Variants in QRICH1 observed in about 807,000 individuals in gnomAD.
The protein encoded by QRICH1 is transcriptional regulator QRICH1.
A neutral mutation model predicts 87.1 loss-of-function variants in QRICH1; 16 were observed. The observed-to-expected ratio is 0.18, with a 90% CI of 0.12 to 0.28. QRICH1 has a LOEUF of 0.28. Ranked by LOEUF, QRICH1 falls within the 10% of genes least tolerant of loss-of-function variation. The pLI, the probability that QRICH1 is intolerant of heterozygous loss-of-function variation, is 1.00. For synonymous variants in QRICH1, 367 were observed against 368.4 expected (o/e 1.00, Z 0.05); for missense variants, 647 against 951.7 (o/e 0.68, Z 4.21).
chr3:49,062,708 G>A (rs909796189), intron 2 of QRICH1, among the ~76,000 whole-genome samples: 1 of 149,180 alleles, frequency 6.7e-6, no homozygotes, highest in Admixed American at 6.7e-5. Flanking sequence ...CTGTTACTAA[G>A]TATATTTTTT....
chr3:49,048,211 C>G (rs532608744), intron 3 of QRICH1, among the ~76,000 whole-genome samples: 1 of 151,510 alleles, frequency 6.6e-6, no homozygotes, highest in Non-Finnish European at 1.5e-5. Context: ...CGGCTCACCT[C>G]AACCTCTGTC....
intron 2 of QRICH1, among the ~76,000 whole-genome samples, chr3:49,074,548 G>A (rs529396606): frequency 6.6e-6 from 1 of 151,986 alleles, no homozygotes; most frequent in Admixed American, 6.6e-5. Flanking sequence ...CTCCAGCCTG[G>A]GGGACAGAGC....
chr3:49,052,662 AT>A (rs566788214), intron 3 of QRICH1, among the ~76,000 whole-genome samples: 3 of 151,846 alleles, frequency 2.0e-5, no homozygotes, highest in Non-Finnish European at 4.4e-5. Context: ...TGCCCAGCTA[AT>A]TTTTTTATTT....
intron 3 of QRICH1, among the ~76,000 whole-genome samples, chr3:49,048,780 T>TC (rs541852187): frequency 0.82 from 106,725 of 130,830 alleles, 43,872 homozygotes; most frequent in East Asian, 1. Context: ...AGAGTGAGAC[T>TC]CTGTTCACAA....
At chr3:49,031,410 C>T in intron 9 of QRICH1, among the ~76,000 whole-genome samples, 1 of 152,132 alleles carries the variant, frequency 6.6e-6, no homozygotes. Flanking sequence ...TATCCTCTAA[C>T]AGTTATTCAT....
Position 49,047,142 on chromosome 3 carries a change from T to C in QRICH1, c.1443A>G (p.Val481=), listed in dbSNP as rs781160612. The C allele has an allele frequency of 1.2e-6, 2 of 1,614,196 alleles. No homozygotes were observed. Among genetic ancestry groups the C allele is most frequent in the African/African-American group, 1.3e-5 (1 of 75,058 alleles). ...NSLKPEEGLE[V]WKNWAQTKNA... ...TCTTGGTCTGGGCCCAGTTTTTCCA[T>C]ACTTCAAGCCCTTCTTCTGGCTTCA... Residue 481 remains valine (V), a synonymous_variant, in exon 4 of 10, where the codon GTA becomes GTG. Transcript: ENST00000395443.
chr3:49,059,216 T>TGGCCTCC (rs1306540698), intron 2 of QRICH1, among the ~76,000 whole-genome samples: 1 of 151,530 alleles, frequency 6.6e-6, no homozygotes, highest in Non-Finnish European at 1.5e-5. Context: ...CCGCCCGCCT[T>TGGCCTCC]GGCCTCCCAA....
intron 4 of QRICH1, 82 bp downstream of exon 4, chr3:49,046,987 C>A (rs1575335301): frequency 1.3e-6 from 2 of 1,484,320 alleles, no homozygotes; most frequent in East Asian, 2.3e-5. Flanking sequence ...CAGGAGACAC[C>A]ACTTTTCTGG....
In QRICH1 at chr3:49,057,068, T is replaced by A; in HGVS notation, c.1132A>T (p.Thr378Ser). The stretch of plus-strand genomic sequence containing the variant: ...GCTGGAAAGAGAGAGTTTGCAAGGG[T>A]CTGCACTACCTCTTCATGGGAGTTT... The part of the protein sequence containing the change: ...VKNSHEEVVQ[T>S]LANSLFPAQF... Residue 378 changes from threonine (T) to serine (S), a missense_variant, in exon 3 of 10, where the codon ACC (threonine) becomes TCC (serine). By Grantham distance (58) the Thr-to-Ser change is moderately conservative (BLOSUM62 1). Coordinates refer to ENST00000395443, the MANE Select transcript of QRICH1 (RefSeq NM_198880.3). This position sits in a 1 kb window ranked among gnomAD's most constrained non-coding sequence, Gnocchi z 5.4. The A allele has an allele frequency of 1.2e-6, 2 of 1,614,162 alleles. No homozygotes were observed. Among genetic ancestry groups the A allele is most frequent in the Non-Finnish European group, 8.5e-7 (1 of 1,180,024 alleles).
chr3:49,094,246 C>T, upstream of QRICH1: 1 of 381,924 alleles, frequency 2.6e-6, no homozygotes, highest in South Asian at 1.4e-4. Context: ...CCCATGGACG[C>T]CTCTCCATGT....
chr3:49,032,065 T>C, intron 9 of QRICH1, 118 bp downstream of exon 9: 2 of 840,292 alleles, frequency 2.4e-6, no homozygotes, highest in Non-Finnish European at 3.8e-6. Flanking sequence ...GAAGTGTTTT[T>C]ACTTGGTTTG....
At chr3:49,032,558 A>C in intron 8 of QRICH1, 64 bp downstream of exon 8, 1 of 1,480,214 alleles carries the variant, frequency 6.8e-7, no homozygotes, top group Non-Finnish European at 9.1e-7. Flanking sequence ...CCTCACAGGC[A>C]CAAGGGCAGG....
At chr3:49,054,996 G>C (rs954685623) in intron 3 of QRICH1, among the ~76,000 whole-genome samples, 1 of 152,138 alleles carries the variant, frequency 6.6e-6, no homozygotes, top group African/African-American at 2.4e-5. Flanking sequence ...TTGTCTTTGT[G>C]TATATGTCAT....
chr3:49,078,309 T>C (rs193030491), intron 1 of QRICH1, among the ~76,000 whole-genome samples: 4 of 151,674 alleles, frequency 2.6e-5, no homozygotes, highest in East Asian at 1.9e-4. Flanking sequence ...TCTCTCCGAA[T>C]AGCTCACCCA....
chr3:49,059,075 C>T (rs1159972940), intron 2 of QRICH1, among the ~76,000 whole-genome samples: 2 of 151,670 alleles, frequency 1.3e-5, no homozygotes, highest in African/African-American at 4.9e-5. Context: ...CATTCTCCTG[C>T]CTCAGCCTCC....
At chr3:49,034,151 A>T (rs1002298628) in intron 6 of QRICH1, among the ~76,000 whole-genome samples, 20 of 151,152 alleles carry the variant, frequency 1.3e-4, no homozygotes, top group Non-Finnish European at 2.2e-4. Context: ...ATCTTTTTTT[A>T]AAAAAGGAAG....
chr3:49,065,510 C>T (rs1014521531), intron 2 of QRICH1, among the ~76,000 whole-genome samples: 10 of 152,236 alleles, frequency 6.6e-5, no homozygotes, highest in East Asian at 1.9e-4. Context: ...TATCTGCTTC[C>T]GCACTCAATC....
intron 8 of QRICH1, 113 bp from the exon 9 acceptor site, chr3:49,032,386 G>T: frequency 1.1e-6 from 1 of 875,212 alleles, no homozygotes; most frequent in Non-Finnish European, 1.8e-6. Flanking sequence ...ACAGGGTCGG[G>T]GGAGGGAAGG....
At chr3:49,072,982 C>G (rs1575368526) in intron 2 of QRICH1, among the ~76,000 whole-genome samples, 1 of 151,860 alleles carries the variant, frequency 6.6e-6, no homozygotes, top group Non-Finnish European at 1.5e-5. Flanking sequence ...GTAGAGGCTG[C>G]AGTGAGCCAT....
Sources: allele counts gnomAD v4.1 joint callset (sites outside exome capture counted in the v4.1 genomes callset), GRCh38; gene constraint gnomAD v4.1.1; non-coding constraint Gnocchi (gnomAD v3.1); transcripts MANE v1.5; gene names NCBI Gene and HGNC (gene_info 2026-07-23, HGNC 2026-07-21).